MLF1: variants seen among roughly 807,000 people sequenced by gnomAD.
The protein encoded by MLF1 is myelodysplasia-myeloid leukemia factor 1.
Under a neutral mutation model 38.3 loss-of-function variants are expected in MLF1, and 37 were observed. The ratio of observed to expected loss-of-function variants is 0.96; its 90% CI spans 0.74 to 1.27. MLF1 has a LOEUF of 1.27. MLF1 is among the 50% of genes most tolerant of loss of function. MLF1 has a pLI of 0.00. For missense variants in MLF1, 331 were observed against 349.2 expected (o/e 0.95, Z 0.42); for synonymous variants, 95 against 106.5 (o/e 0.89, Z 0.66).
At position 158,602,906 on chromosome 3, in the gene MLF1, A is replaced by C. The variant is rs1211785712; in HGVS notation, c.713A>C (p.His238Pro). 1 of 1,613,684 alleles carries C rather than the reference A, an allele frequency of 6.2e-7. No homozygotes were observed. ...AACACTAGAATGAGAAGTGTTGGCCATGAGAATCCTGGCTCCCGAGAACTT... is the reference window on the plus strand; with the variant it reads ...AACACTAGAATGAGAAGTGTTGGCCCTGAGAATCCTGGCTCCCGAGAACTT... ...LGNTRMRSVGHENPGSRELKR... is the reference protein window; with the variant it reads ...LGNTRMRSVGPENPGSRELKR... Residue 238 changes from histidine (H) to proline (P), a missense_variant, in exon 7 of 8, where the codon CAT becomes CCT. Physicochemically the swap from His to Pro is moderately conservative, Grantham distance 77 (BLOSUM62 -2). Coordinates refer to ENST00000466246, the MANE Select transcript of MLF1 (RefSeq NM_001369783.1).
chr3:158,603,000 A>T (rs952661138), intron 7 of MLF1, 61 bp downstream of exon 7: 1 of 1,453,626 alleles, frequency 6.9e-7, no homozygotes, highest in Non-Finnish European at 9.4e-7. Flanking sequence ...AAGTTATGTA[A>T]TTTACTTCTG....
At chr3:158,577,543 A>G (rs1715649118) in intron 1 of MLF1, among the ~76,000 whole-genome samples, 1 of 152,244 alleles carries the variant, frequency 6.6e-6, no homozygotes, top group Admixed American at 6.5e-5. Flanking sequence ...CTGTGAAATT[A>G]CCTAGTATAA....
At chr3:158,576,020 T>G (rs556431354) in intron 1 of MLF1, among the ~76,000 whole-genome samples, 1 of 152,316 alleles carries the variant, frequency 6.6e-6, no homozygotes, top group African/African-American at 2.4e-5. Context: ...GTTAATTGCT[T>G]AAAATATTTA....
intron 7 of MLF1, among the ~76,000 whole-genome samples, chr3:158,604,166 A>G (rs1384109854): frequency 6.6e-6 from 1 of 152,178 alleles, no homozygotes; most frequent in Non-Finnish European, 1.5e-5. Context: ...AGTATTTTCT[A>G]TTGAATTGCT....
chr3:158,604,224 A>G (rs919050053), intron 7 of MLF1, among the ~76,000 whole-genome samples: 3 of 152,226 alleles, frequency 2.0e-5, no homozygotes, highest in Admixed American at 1.3e-4. Flanking sequence ...TCATTTGAAA[A>G]ATGTATTGAT....
chr3:158,601,693 G>A (rs989967219), intron 6 of MLF1, among the ~76,000 whole-genome samples: 1 of 151,926 alleles, frequency 6.6e-6, no homozygotes, highest in Non-Finnish European at 1.5e-5. Context: ...GAAGGCAGAG[G>A]TTGCAGTGAG....
At chr3:158,589,553 G>A (rs1409790237) in intron 1 of MLF1, among the ~76,000 whole-genome samples, 5 of 152,144 alleles carry the variant, frequency 3.3e-5, no homozygotes, top group Admixed American at 1.3e-4. Flanking sequence ...AAGCACAGAG[G>A]TTGGTAATAT....
At chr3:158,573,001 T>A (rs1714783547) in intron 1 of MLF1, among the ~76,000 whole-genome samples, 4 of 151,802 alleles carry the variant, frequency 2.6e-5, no homozygotes, top group Admixed American at 1.3e-4. Flanking sequence ...CTTCAAGGGC[T>A]TTGCAGGTGA....
At position 158,598,109 on chromosome 3, in the gene MLF1, T is replaced by C; in HGVS notation, c.354T>C (p.His118=). 6.2e-7 allele frequency: 1 copy of C among 1,613,478 alleles called. No homozygotes were observed. The highest frequency in any genetic ancestry group is 1.1e-5 in the South Asian group (1 of 90,842). Residue 118 remains histidine (H), a synonymous_variant, in exon 5 of 8, where the codon CAT becomes CAC. Transcript: ENST00000466246. ...AACTTTCAGTGGATCCAAATGGACA[T>C]TCATTTTGTTCTTCCTCAGTTATGA... The part of the protein sequence containing the change: ...FGQLSVDPNG[H]SFCSSSVMTY...
At chr3:158,575,284 C>A (rs1715258475) in intron 1 of MLF1, among the ~76,000 whole-genome samples, 1 of 152,112 alleles carries the variant, frequency 6.6e-6, no homozygotes, top group South Asian at 2.1e-4. Context: ...TTTGCATAGA[C>A]CTTTTAAATA....
In MLF1 at chr3:158,596,938, G is replaced by T; in HGVS notation, c.317G>T (p.Arg106Ile). ...NMRNYMQKLERNFGQLSVDPN... is the reference protein window; with the variant it reads ...NMRNYMQKLEINFGQLSVDPN... The stretch of plus-strand genomic sequence containing the variant: ...AGAAACTATATGCAGAAATTAGAAA[G>T]AAACTTCGTAAGTACTAAAAACAAA... The change falls in exon 4 of 8, where the codon AGA (arginine) becomes ATA (isoleucine). Residue 106 changes from arginine to isoleucine, a missense_variant. Transcript: ENST00000466246. The T allele has an allele frequency of 6.3e-7, 1 of 1,597,172 alleles. No homozygotes were observed. The highest frequency in any genetic ancestry group is 8.6e-7 in the Non-Finnish European group (1 of 1,167,144).
At chr3:158,590,426 G>C (rs888507304) in intron 1 of MLF1, among the ~76,000 whole-genome samples, 1 of 152,110 alleles carries the variant, frequency 6.6e-6, no homozygotes, top group African/African-American at 2.4e-5. Flanking sequence ...TTGCTCTGAG[G>C]TGTTTACTTA....
At chr3:158,598,350 A>G in intron 5 of MLF1, 142 bp downstream of exon 5, 1 of 827,406 alleles carries the variant, frequency 1.2e-6, no homozygotes, top group Non-Finnish European at 1.8e-6. Context: ...GGGGTAAGGT[A>G]GTCCTCACTG....
At chr3:158,600,918 C>T (rs1719654079) in intron 6 of MLF1, among the ~76,000 whole-genome samples, 1 of 150,976 alleles carries the variant, frequency 6.6e-6, no homozygotes. Context: ...AACTCTTCTC[C>T]CTGTAGTTTT....
chr3:158,582,527 T>C, intron 1 of MLF1: 1 of 219,962 alleles, frequency 4.5e-6, no homozygotes, highest in Non-Finnish European at 8.9e-6. Context: ...CAAAAAAAAA[T>C]TAAACCTAGG....
chr3:158,571,241 G>A lies in MLF1; in HGVS notation c.-60G>A. Reference sequence around the variant, plus strand: ...GAGGCTAGCTCTTGTCGCGGCCGCGGCGAGTTAACATCGTTTTTCCAATCT... The same window carrying A: ...GAGGCTAGCTCTTGTCGCGGCCGCGACGAGTTAACATCGTTTTTCCAATCT... On this transcript the variant is annotated 5_prime_UTR_variant, in exon 1 of 8. Transcript: ENST00000466246. 7.1e-7 allele frequency: 1 copy of A among 1,400,878 alleles called. No homozygotes were observed. The highest frequency in any genetic ancestry group is 1.2e-5 in the South Asian group (1 of 85,358). The allele number at this position is 1,400,878 out of a possible 1,614,324, so 86.8% of individuals were successfully genotyped here. A position where few individuals can be genotyped will look rare whatever the true frequency, so the allele number is the denominator to read the frequency against.
At chr3:158,576,736 G>A (rs1715499665) in intron 1 of MLF1, among the ~76,000 whole-genome samples, 1 of 146,862 alleles carries the variant, frequency 6.8e-6, no homozygotes, top group African/African-American at 2.5e-5. Flanking sequence ...GCAGTGGTGT[G>A]ATCTCGCCTC....
chr3:158,599,711 A>G (rs1018099646), intron 5 of MLF1, among the ~76,000 whole-genome samples: 5 of 152,108 alleles, frequency 3.3e-5, no homozygotes. Flanking sequence ...TCCTTCTATT[A>G]CATTATCTAA....
At chr3:158,601,962 G>T (rs922174570) in intron 6 of MLF1, among the ~76,000 whole-genome samples, 2 of 151,792 alleles carry the variant, frequency 1.3e-5, no homozygotes, top group Non-Finnish European at 2.9e-5. Flanking sequence ...GACTACAGGT[G>T]CCCGCCACCA....
Sources: gnomAD v4.1 joint callset for allele counts (sites outside exome capture counted in the v4.1 genomes callset) on GRCh38, gnomAD v4.1.1 for gene constraint, MANE v1.5 for transcripts, NCBI Gene and HGNC (gene_info 2026-07-23, HGNC 2026-07-21) for gene names.